The following NEBL variants were observed in gnomAD, a reference collection of about 807,000 sequenced individuals.
NEBL encodes the protein LIM and SH3 protein 2.
Under a neutral mutation model 140.2 loss-of-function variants are expected in NEBL, and 122 were observed. The ratio of observed to expected loss-of-function variants is 0.87; its 90% CI spans 0.75 to 1.01. The LOEUF is 1.01. Among genes scored for constraint, NEBL ranks in the 50% least tolerant of loss-of-function variants. The pLI is 0.00. For synonymous variants in NEBL, 436 were observed against 398.9 expected, an observed-to-expected ratio of 1.09 and a Z score of -1.11; for missense variants, 1,365 against 1,231.3, an observed-to-expected ratio of 1.11 and a Z score of -1.62.
intron 26 of NEBL, among the ~76,000 whole-genome samples, chr10:20,798,063 C>G (rs1443618417): frequency 6.6e-6 from 1 of 151,196 alleles, no homozygotes; most frequent in Non-Finnish European, 1.5e-5. Context: ...GATTGTGCCC[C>G]TGCACTCCAG....
intron 2 of NEBL, among the ~76,000 whole-genome samples, chr10:21,142,354 T>A (rs2132100916): frequency 6.6e-6 from 1 of 152,226 alleles, no homozygotes; most frequent in East Asian, 1.9e-4. Flanking sequence ...CTTGGCTTAC[T>A]CTGACAGCAC....
At position 20,887,831 on chromosome 10, in the gene NEBL, C is replaced by T. The variant is rs16921225; in HGVS notation, c.369+266G>A. ...ACTATAAGAATTTCATCCATGTAAG[C>T]TGTCTAAATGAGATTAAGATTTGCT... On this transcript the variant is annotated intron_variant, in intron 4 of 27. Coordinates refer to ENST00000377122, the MANE Select transcript of NEBL (RefSeq NM_006393.3). Among the ~76,000 whole-genome samples the T allele has an allele frequency of 0.034, 5,201 of 152,268 alleles. 268 individuals carry two copies. Among genetic ancestry groups the T allele is most frequent in the African/African-American group, 0.12 (4,909 of 41,518 alleles).
At chr10:20,786,293 C>A (rs1487883709) in intron 27 of NEBL, among the ~76,000 whole-genome samples, 2 of 152,110 alleles carry the variant, frequency 1.3e-5, no homozygotes, top group Non-Finnish European at 2.9e-5. Flanking sequence ...AAGTTCAAAT[C>A]TCTCCTGGCA....
chr10:21,140,940 C>T (rs569213447), intron 2 of NEBL, among the ~76,000 whole-genome samples: 1 of 151,558 alleles, frequency 6.6e-6, no homozygotes, highest in East Asian at 1.9e-4. Context: ...CACATGTTTC[C>T]CAGAACTTAA....
intron 26 of NEBL, among the ~76,000 whole-genome samples, chr10:20,807,284 C>A (rs1837697062): frequency 6.6e-6 from 1 of 152,180 alleles, no homozygotes; most frequent in Non-Finnish European, 1.5e-5. Flanking sequence ...TGAGATTGTG[C>A]CACTGCACTC....
At chr10:21,284,998 G>C (rs1843037814) in intron 1 of NEBL, among the ~76,000 whole-genome samples, 1 of 152,102 alleles carries the variant, frequency 6.6e-6, no homozygotes, top group South Asian at 2.1e-4. Flanking sequence ...AGGAATTTGA[G>C]GCTACAGAGC....
intron 4 of NEBL, among the ~76,000 whole-genome samples, chr10:20,960,187 G>A (rs550727779): frequency 6.6e-6 from 1 of 152,176 alleles, no homozygotes; most frequent in South Asian, 2.1e-4. Flanking sequence ...TGTTGAAGAT[G>A]TATAATATAA....
At chr10:21,044,394 G>GAAAAAAAA (rs1834409718) in intron 2 of NEBL, among the ~76,000 whole-genome samples, 2 of 1,936 alleles carry the variant, frequency 1.0e-3, no homozygotes, top group African/African-American at 1.4e-3. Context: ...GACAGAGTAA[G>GAAAAAAAA]AATAAAAAAA....
intron 2 of NEBL, among the ~76,000 whole-genome samples, chr10:21,034,481 T>C (rs1167021845): frequency 6.6e-6 from 1 of 152,184 alleles, no homozygotes; most frequent in Non-Finnish European, 1.5e-5. Flanking sequence ...AGGCACCTGT[T>C]GCCAGACATC....
Position 21,233,120 on chromosome 10 carries a change from T to C in NEBL, n.348+14801A>G, listed in dbSNP as rs374948570. ...CTCTGTTACCAAGGCTGGAGTACAA[T>C]GGCACAATGTTGGTTCACTGCAACC... On this transcript the variant is annotated intron_variant and non_coding_transcript_variant, in intron 3 of 8. Coordinates refer to the NEBL transcript ENST00000675702. Among the ~76,000 whole-genome samples, 16 of 152,298 alleles carry C rather than the reference T, an allele frequency of 1.1e-4. No individual in the cohort carries two copies. The East Asian group carries it at 3.1e-3, about 29-fold the overall frequency.
chr10:21,291,647 G>C (rs1395806777), intron 1 of NEBL, among the ~76,000 whole-genome samples: 1 of 152,062 alleles, frequency 6.6e-6, no homozygotes, highest in African/African-American at 2.4e-5. Flanking sequence ...AGGCGCAGTG[G>C]CTCACACCTG....
At chr10:20,888,054 T>C (rs772415682) in intron 4 of NEBL, 43 bp downstream of exon 4, 2 of 1,325,862 alleles carry the variant, frequency 1.5e-6, no homozygotes, top group East Asian at 2.3e-5. Context: ...TCCAGTTATA[T>C]GTTTTATCTA....
intron 4 of NEBL, 128 bp downstream of exon 4, chr10:20,887,969 C>T: frequency 1.4e-6 from 1 of 721,284 alleles, no homozygotes; most frequent in South Asian, 1.5e-5. Context: ...GCACATTAAT[C>T]AGTTGCTTTC....
intron 3 of NEBL, among the ~76,000 whole-genome samples, chr10:21,002,465 C>T (rs1837945720): frequency 6.6e-6 from 1 of 152,070 alleles, no homozygotes; most frequent in Non-Finnish European, 1.5e-5. Flanking sequence ...GAAATAAATT[C>T]TTAAATTATA....
intron 3 of NEBL, among the ~76,000 whole-genome samples, chr10:21,231,010 C>T (rs969583095): frequency 1.3e-5 from 2 of 152,174 alleles, no homozygotes; most frequent in Admixed American, 6.6e-5. Context: ...TGTATGTCTT[C>T]CGTCCAAATG....
chr10:21,124,962 A>T (rs1838753589), intron 2 of NEBL, among the ~76,000 whole-genome samples: 1 of 152,164 alleles, frequency 6.6e-6, no homozygotes, highest in Non-Finnish European at 1.5e-5. Context: ...TACATCTCTA[A>T]AAAAGAAAAA....
upstream of NEBL, among the ~76,000 whole-genome samples, chr10:20,900,836 C>G (rs1847836570): frequency 7.6e-6 from 1 of 132,420 alleles, no homozygotes; most frequent in Admixed American, 8.2e-5. Context: ...CAGAGTGAGA[C>G]TCCATCCCGA....
At chr10:21,157,104 G>T (rs11012548) in intron 2 of NEBL, among the ~76,000 whole-genome samples, 16,382 of 152,120 alleles carry the variant, frequency 0.11, 985 homozygotes, top group Non-Finnish European at 0.14. Context: ...AGAAGAGAAG[G>T]TTATTACTCC....
chr10:21,024,130 A>C (rs1293619258), intron 2 of NEBL, among the ~76,000 whole-genome samples: 3 of 151,962 alleles, frequency 2.0e-5, no homozygotes, highest in African/African-American at 7.2e-5. Flanking sequence ...TGCTAATCTC[A>C]TGACCAAAGT....
Sources: allele counts gnomAD v4.1 joint callset (sites outside exome capture counted in the v4.1 genomes callset), GRCh38; gene constraint gnomAD v4.1.1; transcripts MANE v1.5; gene names NCBI Gene and HGNC (gene_info 2026-07-23, HGNC 2026-07-21).